PRKD2: variants seen among roughly 807,000 people sequenced by gnomAD.
The protein encoded by PRKD2 is protein kinase D2.
In PRKD2, 22 loss-of-function variants were observed where a neutral mutation model predicts 86.0. The observed-to-expected ratio is 0.26, with a 90% confidence interval of 0.18 to 0.37. PRKD2 has a LOEUF of 0.37. Ranked by LOEUF, PRKD2 falls within the 10% of genes least tolerant of loss-of-function variation. PRKD2 has a pLI of 1.00. For synonymous variants in PRKD2, 509 were observed against 510.9 expected (o/e 1.00, Z 0.05); for missense variants, 818 against 1,199.2 (o/e 0.68, Z 4.70).
At chr19:46,708,648 T>C (rs954647937) in intron 3 of PRKD2, among the ~76,000 whole-genome samples, 2 of 152,144 alleles carry the variant, frequency 1.3e-5, no homozygotes, top group Non-Finnish European at 1.5e-5. Context: ...GATCTCTCTC[T>C]CCGTGTCCCA....
chr19:46,702,108 G>A (rs1011636100), intron 5 of PRKD2, among the ~76,000 whole-genome samples: 6 of 147,972 alleles, frequency 4.1e-5, no homozygotes, highest in Non-Finnish European at 7.4e-5. Context: ...GCACCATCTC[G>A]GCTCACTGCA....
At chr19:46,708,558 C>T (rs1284124296) in intron 3 of PRKD2, among the ~76,000 whole-genome samples, 1 of 151,778 alleles carries the variant, frequency 6.6e-6, no homozygotes, top group African/African-American at 2.4e-5. Flanking sequence ...CTCAAGCGAT[C>T]CACCATCCTC....
At chr19:46,687,067 T>C (rs1260720263) in intron 14 of PRKD2, among the ~76,000 whole-genome samples, 7 of 151,818 alleles carry the variant, frequency 4.6e-5, no homozygotes, top group East Asian at 3.9e-4. Context: ...AAGAATCTAA[T>C]GTGCACCTCC....
intron 9 of PRKD2, among the ~76,000 whole-genome samples, chr19:46,695,598 G>A (rs944315244): frequency 1.3e-5 from 2 of 152,254 alleles, no homozygotes; most frequent in African/African-American, 2.4e-5. Context: ...AGGCTTTTGA[G>A]CATCATCCGC....
intron 9 of PRKD2, among the ~76,000 whole-genome samples, chr19:46,695,849 A>C (rs2053550224): frequency 6.6e-6 from 1 of 151,634 alleles, no homozygotes; most frequent in Non-Finnish European, 1.5e-5. Flanking sequence ...ATTTTATTTT[A>C]TTTTTTTGAG....
Position 46,697,716 on chromosome 19 carries a change from C to T in PRKD2, c.1239+17G>A. On this transcript the variant is annotated intron_variant, in intron 8 of 17. Transcript: ENST00000291281. The stretch of plus-strand genomic sequence containing the variant: ...AGCCTTCGCTCCGCCGTACCCGGCC[C>T]CGCCCCGGCCACTCACCAGCGTGTC... 1.2e-6 allele frequency: 2 copies of T among 1,602,652 alleles called. No homozygotes were observed. The highest frequency in any genetic ancestry group is 1.7e-6 in the Non-Finnish European group (2 of 1,170,550).
rs528748821 is a variant in PRKD2, at chr19:46,697,614, A to C, written c.1239+119T>G. On this transcript the variant is annotated intron_variant, in intron 8 of 17. Coordinates refer to ENST00000291281, the MANE Select transcript of PRKD2 (RefSeq NM_016457.5). The stretch of plus-strand genomic sequence containing the variant: ...CCCCGCCTCCAGCACGGCCCAGCCC[A>C]CTACTGGCCCCGCTCGCGCCTAGCT... 14 of 884,100 alleles carry C rather than the reference A, an allele frequency of 1.6e-5. No homozygotes were observed. The East Asian group carries it at 2.0e-4, about 13-fold the overall frequency. 54.8% of individuals were successfully genotyped at this position (884,100 alleles called of 1,614,324 possible).
chr19:46,714,369 C>T, intron 1 of PRKD2: 1 of 951,890 alleles, frequency 1.1e-6, no homozygotes, highest in Non-Finnish European at 1.3e-6. Context: ...CACCCGCCCC[C>T]CAGCTTCCTT....
chr19:46,695,341 C>G (rs1054448653), intron 9 of PRKD2, among the ~76,000 whole-genome samples: 4 of 152,204 alleles, frequency 2.6e-5, no homozygotes, highest in Admixed American at 2.0e-4. Context: ...AAAAATTAGC[C>G]AGGCGTGGTG....
chr19:46,696,141 G>GGACA (rs1363397960), intron 9 of PRKD2, among the ~76,000 whole-genome samples: 2 of 152,088 alleles, frequency 1.3e-5, no homozygotes, highest in African/African-American at 4.8e-5. Context: ...GCCTGGCCAA[G>GGACA]GACAGCATTT....
At chr19:46,713,210 A>T (rs2053833319) in intron 2 of PRKD2, among the ~76,000 whole-genome samples, 1 of 142,448 alleles carries the variant, frequency 7.0e-6, no homozygotes, top group African/African-American at 2.7e-5. Context: ...TTTTTTTTTA[A>T]GAGATGGGGT....
chr19:46,712,880 G>A (rs952373163), intron 2 of PRKD2, among the ~76,000 whole-genome samples: 3 of 152,318 alleles, frequency 2.0e-5, no homozygotes, highest in Admixed American at 2.0e-4. Flanking sequence ...ACTGGCTTCT[G>A]GCTGTGTCTT....
intron 14 of PRKD2, among the ~76,000 whole-genome samples, chr19:46,683,539 T>C (rs993194094): frequency 3.3e-5 from 5 of 152,090 alleles, no homozygotes; most frequent in Non-Finnish European, 7.4e-5. Flanking sequence ...CTGGCCAACA[T>C]AGCAAAACCC....
intron 12 of PRKD2, 58 bp from the exon 13 acceptor site, chr19:46,690,764 G>A: frequency 6.7e-7 from 1 of 1,483,318 alleles, no homozygotes; most frequent in South Asian, 1.1e-5. Flanking sequence ...AGTCCTGGCA[G>A]GAGTATCTCC....
At chr19:46,704,924 C>T (rs765308870) in intron 3 of PRKD2, among the ~76,000 whole-genome samples, 8 of 150,956 alleles carry the variant, frequency 5.3e-5, no homozygotes, top group Admixed American at 4.0e-4. Flanking sequence ...TTTTCTCACT[C>T]CAACAAGGGA....
intron 3 of PRKD2, among the ~76,000 whole-genome samples, chr19:46,704,895 C>A (rs2053692017): frequency 6.6e-6 from 1 of 151,912 alleles, no homozygotes; most frequent in African/African-American, 2.4e-5. Context: ...CCCCCAGACC[C>A]TGAACACACC....
Position 46,680,946 on chromosome 19 carries a change from A to ATATATAT in PRKD2, c.2070+703_2070+704insATATATA. 1.5e-4 allele frequency among the ~76,000 whole-genome samples: 7 copies of ATATATAT among 48,232 alleles called. 1 individual carries two copies. The East Asian group carries it at 2.7e-3, about 18-fold the overall frequency. The allele number at this position is 48,232 out of a possible 152,430, so 31.6% of individuals were successfully genotyped here. ...AAACTATATATATATATATATATAT[A>ATATATAT]TTTTTTTTTTTTTTTTTGAGACAGA... is the stretch of plus-strand genomic sequence containing the variant. On this transcript the variant is annotated intron_variant, in intron 15 of 17. Coordinates refer to ENST00000291281, the MANE Select transcript of PRKD2 (RefSeq NM_016457.5).
chr19:46,691,832 CA>C lies in PRKD2; in HGVS notation c.1630-26del, dbSNP rs756698882. The C allele has an allele frequency of 5.0e-6, 8 of 1,613,808 alleles. No individual in the cohort carries two copies. The South Asian group carries it at 6.6e-5, about 13-fold the overall frequency. Reference sequence around the variant, plus strand: ...CCTACAGGGTGAAGACAGGGCAGGTCAGGGGTGCAAATGGAAATGGGGAAGG... The same window carrying C: ...CCTACAGGGTGAAGACAGGGCAGGTCGGGGTGCAAATGGAAATGGGGAAGG... On this transcript the variant is annotated intron_variant, in intron 11 of 17. Transcript: ENST00000291281.
intron 3 of PRKD2, among the ~76,000 whole-genome samples, chr19:46,709,708 T>C (rs777616876): frequency 6.6e-6 from 1 of 151,906 alleles, no homozygotes; most frequent in Non-Finnish European, 1.5e-5. Flanking sequence ...ATCAGCTGAC[T>C]GTAAGTGGGA....
Sources: allele counts gnomAD v4.1 joint callset (sites outside exome capture counted in the v4.1 genomes callset), GRCh38; gene constraint gnomAD v4.1.1; transcripts MANE v1.5; gene names NCBI Gene and HGNC (gene_info 2026-07-23, HGNC 2026-07-21).